GOLM1: variants seen among roughly 807,000 people sequenced by gnomAD.
GOLM1 encodes the protein epididymis luminal protein 46.
GOLM1 carries 31 observed loss-of-function variants against 50.5 expected under a neutral mutation model. The ratio of observed to expected loss-of-function variants is 0.61; its 90% CI spans 0.46 to 0.83. The LOEUF (loss-of-function observed/expected upper bound fraction) is 0.83, where lower values mean the gene tolerates loss of function less well. Ranked by LOEUF, GOLM1 falls within the 40% of genes least tolerant of loss-of-function variation. GOLM1 has a pLI of 0.00. For missense variants in GOLM1, 491 were observed against 501.3 expected, an observed-to-expected ratio of 0.98 and a Z score of 0.20; for synonymous variants, 178 against 192.8, an observed-to-expected ratio of 0.92 and a Z score of 0.64.
chr9:86,093,237 C>T (rs986815598), intron 1 of GOLM1, among the ~76,000 whole-genome samples: 1 of 152,030 alleles, frequency 6.6e-6, no homozygotes, highest in Non-Finnish European at 1.5e-5. Context: ...ATTAGCTGGG[C>T]ATGGTGGTGT....
intron 9 of GOLM1, among the ~76,000 whole-genome samples, chr9:86,030,794 C>T (rs995871141): frequency 1.3e-5 from 2 of 152,100 alleles, no homozygotes; most frequent in Non-Finnish European, 2.9e-5. Flanking sequence ...ATTTGGGGAA[C>T]CTGGGTGAAG....
chr9:86,043,469 T>C (rs1279506142), intron 5 of GOLM1, among the ~76,000 whole-genome samples: 1 of 152,172 alleles, frequency 6.6e-6, no homozygotes, highest in Non-Finnish European at 1.5e-5. Context: ...CCCATATAAT[T>C]TGCACAAATT....
chr9:86,097,777 G>C (rs1293110132), intron 1 of GOLM1, among the ~76,000 whole-genome samples: 1 of 152,176 alleles, frequency 6.6e-6, no homozygotes, highest in Non-Finnish European at 1.5e-5. Flanking sequence ...GATAAGGGTA[G>C]CAGTTCCCTC....
chr9:86,096,732 T>C (rs1228190298), intron 1 of GOLM1, among the ~76,000 whole-genome samples: 2 of 152,236 alleles, frequency 1.3e-5, no homozygotes, highest in Non-Finnish European at 2.9e-5. Context: ...CTACCTCTAA[T>C]GTTGTTAACA....
At chr9:86,066,965 G>A (rs1366386805) in intron 3 of GOLM1, among the ~76,000 whole-genome samples, 1 of 152,050 alleles carries the variant, frequency 6.6e-6, no homozygotes, top group Non-Finnish European at 1.5e-5. Context: ...TTTAGATGGA[G>A]TCTCGCTGTC....
At chr9:86,031,449 GTTTTTTTT>G (rs774806772) in intron 9 of GOLM1, among the ~76,000 whole-genome samples, 1,016 of 79,572 alleles carry the variant, frequency 0.013, 23 homozygotes, top group African/African-American at 0.043. Flanking sequence ...TACCACTGAG[GTTTTTTTT>G]TTTTTTTTTT....
intron 9 of GOLM1, among the ~76,000 whole-genome samples, chr9:86,028,928 A>G (rs1299780027): frequency 6.8e-6 from 1 of 146,456 alleles, no homozygotes; most frequent in Non-Finnish European, 1.5e-5. Context: ...AGCTCACTGC[A>G]AGCTCCACCT....
upstream of GOLM1, chr9:86,100,137 A>C (rs1835493405): frequency 6.6e-6 from 1 of 152,192 alleles, no homozygotes; most frequent in Non-Finnish European, 1.5e-5. Context: ...CTAGCAACGG[A>C]AAAAGTGAAG....
intron 3 of GOLM1, among the ~76,000 whole-genome samples, chr9:86,054,201 T>TA (rs1365078808): frequency 6.6e-6 from 1 of 151,440 alleles, no homozygotes; most frequent in East Asian, 1.9e-4. Context: ...AACTGGCCAG[T>TA]ATGCCCTGAC....
At chr9:86,067,392 G>A (rs545370748) in intron 3 of GOLM1, among the ~76,000 whole-genome samples, 16 of 152,258 alleles carry the variant, frequency 1.1e-4, no homozygotes, top group African/African-American at 3.6e-4. Flanking sequence ...TTAAAAACCT[G>A]TTTTATATGT....
At chr9:86,034,026 G>A (rs1279674140) in intron 8 of GOLM1, among the ~76,000 whole-genome samples, 4 of 150,758 alleles carry the variant, frequency 2.7e-5, no homozygotes, top group African/African-American at 4.9e-5. Flanking sequence ...GTGCGGTGGC[G>A]TAATCTCGGC....
At chr9:86,057,497 G>A (rs903314642) in intron 3 of GOLM1, among the ~76,000 whole-genome samples, 1 of 152,056 alleles carries the variant, frequency 6.6e-6, no homozygotes, top group Non-Finnish European at 1.5e-5. Context: ...GCTCCCACCT[G>A]TGGGCTCACC....
chr9:86,035,878 C>CAAAA (rs1212918413), intron 7 of GOLM1, among the ~76,000 whole-genome samples: 2 of 101,548 alleles, frequency 2.0e-5, no homozygotes, highest in African/African-American at 9.2e-5. Context: ...AAAAAAAAAA[C>CAAAA]AAAACAAAAA....
At chr9:86,052,655 G>A in intron 3 of GOLM1, 64 bp from the exon 4 acceptor site, 1 of 1,397,760 alleles carries the variant, frequency 7.2e-7, no homozygotes, top group Non-Finnish European at 1.0e-6. Flanking sequence ...AGCCAGATGT[G>A]ATACAAACCA....
At position 86,036,417 on chromosome 9, in the gene GOLM1, T is replaced by G. The variant is rs1362212343; in HGVS notation, c.688A>C (p.Asn230His). 3.7e-6 allele frequency: 6 copies of G among 1,614,040 alleles called. No homozygotes were observed. Among genetic ancestry groups the G allele is most frequent in the Non-Finnish European group, 5.1e-6 (6 of 1,180,026 alleles). The change falls in exon 7 of 10, where the codon AAC becomes CAC. Residue 230 changes from asparagine (N) to histidine (H), a missense_variant. Asn to His is a moderately conservative substitution (Grantham distance 68). Coordinates refer to ENST00000388712, the MANE Select transcript of GOLM1 (RefSeq NM_016548.4). ...GGGGCTGGTGTCTGGGACTTGCTGT[T>G]ACCAAGCACGTTTCCCTTCCCTTGT... The part of the protein sequence containing the change: ...VPQGKGNVLG[N>H]SKSQTPAPSS...
chr9:86,058,578 C>T (rs1184322545), intron 3 of GOLM1, among the ~76,000 whole-genome samples: 1 of 151,810 alleles, frequency 6.6e-6, no homozygotes, highest in African/African-American at 2.4e-5. Flanking sequence ...TGCCTGTAGT[C>T]CCAGCTACTT....
chr9:86,098,896 C>T (rs1587751540), intron 1 of GOLM1, among the ~76,000 whole-genome samples: 1 of 152,272 alleles, frequency 6.6e-6, no homozygotes, highest in South Asian at 2.1e-4. Flanking sequence ...CGAGGCCCAG[C>T]GGCAACGTGG....
intron 1 of GOLM1, among the ~76,000 whole-genome samples, chr9:86,086,607 T>C (rs1834970433): frequency 1.3e-5 from 2 of 152,262 alleles, no homozygotes; most frequent in Admixed American, 1.3e-4. Context: ...AAGTCTTTAA[T>C]CCATCTTGAG....
chr9:86,093,351 G>A (rs1270286915), intron 1 of GOLM1, among the ~76,000 whole-genome samples: 1 of 144,796 alleles, frequency 6.9e-6, no homozygotes, highest in African/African-American at 2.7e-5. Context: ...ACTCTAGCCT[G>A]AGTGACAGAG....
Sources: allele counts gnomAD v4.1 joint callset (sites outside exome capture counted in the v4.1 genomes callset), GRCh38; gene constraint gnomAD v4.1.1; transcripts MANE v1.5; gene names NCBI Gene and HGNC (gene_info 2026-07-23, HGNC 2026-07-21).